Variants in SCUBE1 observed in about 807,000 individuals in gnomAD.
SCUBE1 encodes signal peptide, CUB and EGF-like domain-containing protein 1.
SCUBE1 carries 59 observed loss-of-function variants against 124.4 expected under a neutral mutation model. The ratio of observed to expected loss-of-function variants is 0.47; its 90% CI spans 0.38 to 0.59. The LOEUF (loss-of-function observed/expected upper bound fraction) is 0.59. Among genes scored for constraint, SCUBE1 ranks in the 20% least tolerant of loss-of-function variants. The pLI, the probability that SCUBE1 is intolerant of heterozygous loss-of-function variation, is 0.00. For synonymous variants in SCUBE1, 545 were observed against 550.9 expected (o/e 0.99, Z 0.15); for missense variants, 1,150 against 1,371.2 (o/e 0.84, Z 2.55).
intron 6 of SCUBE1, among the ~76,000 whole-genome samples, chr22:43,254,108 C>T (rs2146702165): frequency 6.6e-6 from 1 of 152,384 alleles, no homozygotes; most frequent in South Asian, 2.1e-4. Context: ...ACCCGGACTG[C>T]CCAAGTCAAC....
intron 2 of SCUBE1, among the ~76,000 whole-genome samples, chr22:43,326,242 T>G (rs1390589973): frequency 6.6e-6 from 1 of 152,148 alleles, no homozygotes; most frequent in Non-Finnish European, 1.5e-5. Context: ...GACCAAACGC[T>G]CTAACAAAGA....
chr22:43,338,131 C>T (rs1031006172), intron 2 of SCUBE1, among the ~76,000 whole-genome samples: 19 of 152,194 alleles, frequency 1.2e-4, no homozygotes, highest in Admixed American at 1.3e-4. Flanking sequence ...AGTCCTGCCC[C>T]AGACCCATGG....
chr22:43,207,582 C>T lies in SCUBE1; in HGVS notation c.2766G>A (p.Val922=), dbSNP rs757923160. ...EDYQQLIEDI[V]RDGRLYASEN... ...CCGAGGCGTACAGGCGCCCATCGCG[C>T]ACGATGTCCTCTATGAGTTGCTGGT... The change falls in exon 21 of 22, where the codon GTG becomes GTA. Residue 922 remains valine, a synonymous_variant. Coordinates refer to ENST00000360835, the MANE Select transcript of SCUBE1 (RefSeq NM_173050.5). 6.2e-7 allele frequency: 1 copy of T among 1,614,114 alleles called. No homozygotes were observed. The highest frequency in any genetic ancestry group is 8.5e-7 in the Non-Finnish European group (1 of 1,179,992).
intron 3 of SCUBE1, among the ~76,000 whole-genome samples, chr22:43,309,710 C>G (rs1053868845): frequency 6.6e-6 from 1 of 152,110 alleles, no homozygotes; most frequent in East Asian, 1.9e-4. Flanking sequence ...TGTCCACCCC[C>G]ACACCCAGTC....
chr22:43,342,233 A>ACAGT (rs35264917), intron 1 of SCUBE1, among the ~76,000 whole-genome samples: 90,409 of 142,556 alleles, frequency 0.63, 30,290 homozygotes, highest in African/African-American at 0.88. Flanking sequence ...GCCCCTGAAG[A>ACAGT]CAGAGAGCAG....
At chr22:43,281,488 G>GTCACCTCCTCCTCA (rs1569010806) in intron 4 of SCUBE1, among the ~76,000 whole-genome samples, 1 of 72,548 alleles carries the variant, frequency 1.4e-5, no homozygotes, top group Admixed American at 1.3e-4. Context: ...CTCCCTCTTT[G>GTCACCTCCTCCTCA]GCCACCCTCC....
chr22:43,284,351 CT>C (rs1182854917), intron 4 of SCUBE1, among the ~76,000 whole-genome samples: 1 of 152,238 alleles, frequency 6.6e-6, no homozygotes, highest in African/African-American at 2.4e-5. Context: ...CAGAAAATTT[CT>C]ACCACAAGAT....
At chr22:43,252,777 C>T (rs890170035) in intron 6 of SCUBE1, among the ~76,000 whole-genome samples, 10 of 152,170 alleles carry the variant, frequency 6.6e-5, no homozygotes, top group African/African-American at 1.4e-4. Context: ...GAATGTGATG[C>T]CCTGGTGCAC....
At chr22:43,216,588 G>A (rs957918278) in intron 15 of SCUBE1, among the ~76,000 whole-genome samples, 12 of 152,036 alleles carry the variant, frequency 7.9e-5, no homozygotes, top group Non-Finnish European at 1.5e-4. Flanking sequence ...GGGAGGCAGA[G>A]TTGCGGTGAG....
chr22:43,238,936 T>C lies in SCUBE1; in HGVS notation c.746A>G (p.Asn249Ser). The change falls in exon 7 of 22, where the codon AAC (asparagine) becomes AGC (serine). Residue 249 changes from asparagine (N) to serine (S), a missense_variant. Asn to Ser is a conservative substitution (Grantham distance 46). Around this residue, in one of 3 missense-constraint regions of SCUBE1, gnomAD observed 337 missense variants for 482.1 expected, o/e 0.70. Transcript: ENST00000360835. ...CTTGCATGTCCGGTCGCAGCCTCCGTTATTGACTGCGCACGTCTCTGGGGA... is the reference window on the plus strand; with the variant it reads ...CTTGCATGTCCGGTCGCAGCCTCCGCTATTGACTGCGCACGTCTCTGGGGA... ...RTCIETCAVN[N>S]GGCDRTCKDT... The C allele has an allele frequency of 5.6e-6, 9 of 1,612,744 alleles. No individual in the cohort carries two copies. Among genetic ancestry groups the C allele is most frequent in the Non-Finnish European group, 7.6e-6 (9 of 1,179,694 alleles).
rs368325736 is a variant in SCUBE1 at position 43,226,845 on chromosome 22, C to G, written c.1207+529G>C. ...GCCCGTCCAGAACTCAGCCTAGGGGCACCCAGTGCTGCGAGCATGCCTGCA... is the reference window on the plus strand; with the variant it reads ...GCCCGTCCAGAACTCAGCCTAGGGGGACCCAGTGCTGCGAGCATGCCTGCA... On this transcript the variant is annotated intron_variant, in intron 10 of 21. Coordinates refer to ENST00000360835, the MANE Select transcript of SCUBE1 (RefSeq NM_173050.5). 5.9e-5 allele frequency among the ~76,000 whole-genome samples: 9 copies of G among 152,178 alleles called. No individual in the cohort carries two copies. In the South Asian group the frequency reaches 1.9e-3, roughly 32 times the overall value.
intron 8 of SCUBE1, among the ~76,000 whole-genome samples, chr22:43,231,234 C>G (rs1922539235): frequency 1.3e-5 from 2 of 152,220 alleles, no homozygotes; most frequent in South Asian, 4.1e-4. Context: ...GGACCCTCCC[C>G]GTAGCCTTCC....
At chr22:43,306,418 G>A (rs1925971826) in intron 3 of SCUBE1, among the ~76,000 whole-genome samples, 1 of 152,146 alleles carries the variant, frequency 6.6e-6, no homozygotes, top group Non-Finnish European at 1.5e-5. Context: ...TATGGACTCG[G>A]TATTCTCTGC....
intron 6 of SCUBE1, among the ~76,000 whole-genome samples, chr22:43,245,163 G>T (rs906261581): frequency 3.3e-5 from 5 of 152,246 alleles, no homozygotes; most frequent in Admixed American, 3.3e-4. Context: ...CTCCGGGGAG[G>T]CCCTGTGGCC....
chr22:43,340,779 G>T (rs1406628033), intron 1 of SCUBE1, among the ~76,000 whole-genome samples: 1 of 152,164 alleles, frequency 6.6e-6, no homozygotes, highest in Non-Finnish European at 1.5e-5. Flanking sequence ...ACAGACAGAA[G>T]GACCCAGGAG....
At chr22:43,336,941 GTGTCTGTGTGTA>G (rs1300776134) in intron 2 of SCUBE1, among the ~76,000 whole-genome samples, 1 of 148,182 alleles carries the variant, frequency 6.7e-6, no homozygotes, top group African/African-American at 2.5e-5. Flanking sequence ...GCATGCATGT[GTGTCTGTGTGTA>G]TGTCTGTGTG....
intron 2 of SCUBE1, among the ~76,000 whole-genome samples, chr22:43,321,323 C>T (rs868483365): frequency 2.0e-5 from 3 of 152,234 alleles, no homozygotes; most frequent in South Asian, 2.1e-4. Context: ...CAGGGAGACA[C>T]GGAACTCCTT....
At chr22:43,280,794 G>T (rs1033231029) in intron 4 of SCUBE1, among the ~76,000 whole-genome samples, 1 of 123,956 alleles carries the variant, frequency 8.1e-6, no homozygotes, top group Non-Finnish European at 1.6e-5. Context: ...CTCCTCCTCA[G>T]CTACCCTGTC....
At chr22:43,323,907 A>T (rs1926639731) in intron 2 of SCUBE1, among the ~76,000 whole-genome samples, 1 of 152,234 alleles carries the variant, frequency 6.6e-6, no homozygotes, top group Admixed American at 6.5e-5. Flanking sequence ...GTGAAAATAT[A>T]CAAAAACACA....
Sources: allele counts gnomAD v4.1 joint callset (sites outside exome capture counted in the v4.1 genomes callset), GRCh38; gene constraint gnomAD v4.1.1; regional missense constraint gnomAD v4.1.1; transcripts MANE v1.5; gene names NCBI Gene and HGNC (gene_info 2026-07-23, HGNC 2026-07-21).